NEMP1: variants seen among roughly 807,000 people sequenced by gnomAD.
NEMP1 encodes the protein nuclear envelope integral membrane protein 1.
NEMP1 carries 29 observed loss-of-function variants against 53.7 expected under a neutral mutation model. The observed-to-expected ratio is 0.54, with a 90% CI of 0.40 to 0.74. The LOEUF (loss-of-function observed/expected upper bound fraction) is 0.74. NEMP1 is among the 30% of genes least tolerant of loss of function. The pLI is 0.00. For missense variants in NEMP1, 477 were observed against 528.6 expected, an observed-to-expected ratio of 0.90 and a Z score of 0.96; for synonymous variants, 193 against 192.9, an observed-to-expected ratio of 1.00 and a Z score of 0.00.
At chr12:57,087,618 A>G (rs1459376989) in intron 1 of NEMP1, among the ~76,000 whole-genome samples, 1 of 151,986 alleles carries the variant, frequency 6.6e-6, no homozygotes, top group African/African-American at 2.4e-5. Flanking sequence ...GGACCTGAGC[A>G]ACTGAAATCC....
chr12:57,070,642 G>A, intron 3 of NEMP1, 32 bp downstream of exon 3: 2 of 1,522,700 alleles, frequency 1.3e-6, no homozygotes, highest in South Asian at 2.4e-5. Flanking sequence ...TATCACTACA[G>A]AATCCATCAG....
At chr12:57,086,545 A>ACC (rs1216415317) in intron 1 of NEMP1, among the ~76,000 whole-genome samples, 1 of 151,232 alleles carries the variant, frequency 6.6e-6, no homozygotes, top group Non-Finnish European at 1.5e-5. Flanking sequence ...CCCCACACAC[A>ACC]CACCTGTCTC....
chr12:57,064,315 T>C (rs1350995017), intron 5 of NEMP1, 130 bp from the exon 6 acceptor site: 2 of 599,174 alleles, frequency 3.3e-6, no homozygotes, highest in East Asian at 5.9e-5. Flanking sequence ...AACACTTCTC[T>C]TAAAAAGATG....
intron 7 of NEMP1, among the ~76,000 whole-genome samples, chr12:57,062,433 T>A (rs1039051085): frequency 1.3e-5 from 2 of 151,316 alleles, no homozygotes; most frequent in African/African-American, 4.9e-5. Context: ...TGAGCCGAGA[T>A]CACGCCATTG....
At chr12:57,070,562 AG>A in intron 3 of NEMP1, 111 bp downstream of exon 3, 1 of 867,688 alleles carries the variant, frequency 1.2e-6, no homozygotes, top group East Asian at 2.7e-5. Flanking sequence ...GGTTATAATC[AG>A]AACCCAACTG....
chr12:57,078,750 G>T lies in NEMP1; in HGVS notation c.-5C>A. 6.2e-7 allele frequency: 1 copy of T among 1,609,402 alleles called. No individual in the cohort carries two copies. Among genetic ancestry groups the T allele is most frequent in the Non-Finnish European group, 8.5e-7 (1 of 1,176,748 alleles). ...CACTTTCATTCCTCCCGCCATGGTT[G>T]CCTCAAGCCACCTCCTCCTCACGTG... On this transcript the variant is annotated 5_prime_UTR_variant, in exon 1 of 9. Coordinates refer to ENST00000300128, the MANE Select transcript of NEMP1 (RefSeq NM_001130963.2).
chr12:57,074,591 C>A (rs1004429019), intron 1 of NEMP1, among the ~76,000 whole-genome samples: 1 of 152,146 alleles, frequency 6.6e-6, no homozygotes, highest in Non-Finnish European at 1.5e-5. Flanking sequence ...AGGCGTAAGC[C>A]ACCACGCCCA....
chr12:57,060,971 A>C, intron 7 of NEMP1, 26 bp from the exon 8 acceptor site: 1 of 1,605,834 alleles, frequency 6.2e-7, no homozygotes, highest in Non-Finnish European at 8.5e-7. Flanking sequence ...TAACATTATG[A>C]ATCATTAATC....
Position 57,056,267 on chromosome 12 carries a change from T to G in NEMP1, c.*3612A>C, listed in dbSNP as rs1042501044. On this transcript the variant is annotated 3_prime_UTR_variant, in exon 9 of 9. Coordinates refer to ENST00000300128, the MANE Select transcript of NEMP1 (RefSeq NM_001130963.2). ...ATCTAGAATCAACTCAATTGTAACC[T>G]GAATTCATAAGCTTAAGTCACCAAA... 1 of 152,162 alleles carries G rather than the reference T, an allele frequency of 6.6e-6. No homozygotes were observed. Among genetic ancestry groups the G allele is most frequent in the African/African-American group, 2.4e-5 (1 of 41,428 alleles). The allele number at this position is 152,162 out of a possible 1,614,324, so 9.4% of individuals were successfully genotyped here. A position where few individuals can be genotyped will look rare whatever the true frequency, so the allele number is the denominator to read the frequency against.
chr12:57,070,537 C>T (rs1357780816), intron 3 of NEMP1, 137 bp downstream of exon 3: 5 of 675,548 alleles, frequency 7.4e-6, no homozygotes, highest in African/African-American at 7.3e-5. Flanking sequence ...CTGTTTAGAG[C>T]AGTGGTATAC....
intron 1 of NEMP1, among the ~76,000 whole-genome samples, chr12:57,077,893 C>T (rs886848419): frequency 6.6e-6 from 1 of 152,030 alleles, no homozygotes; most frequent in Non-Finnish European, 1.5e-5. Context: ...ACCACCCTGG[C>T]CAACATAGTG....
chr12:57,081,928 A>T (rs977930235), upstream of NEMP1, among the ~76,000 whole-genome samples: 1 of 149,000 alleles, frequency 6.7e-6, no homozygotes, highest in Non-Finnish European at 1.5e-5. Context: ...AAACAAAAAA[A>T]AACACGGAGG....
At chr12:57,087,110 C>A (rs1032428262) in intron 1 of NEMP1, among the ~76,000 whole-genome samples, 36 of 152,360 alleles carry the variant, frequency 2.4e-4, no homozygotes, top group African/African-American at 8.2e-4. Context: ...GGCCGAGCAC[C>A]CCCTCTCCCA....
intron 7 of NEMP1, among the ~76,000 whole-genome samples, chr12:57,062,059 T>C (rs2031836429): frequency 6.6e-6 from 1 of 152,116 alleles, no homozygotes. Context: ...ACCTTGACTA[T>C]CTATAATAGA....
At chr12:57,074,505 A>G (rs1278909178) in intron 1 of NEMP1, among the ~76,000 whole-genome samples, 2 of 151,234 alleles carry the variant, frequency 1.3e-5, no homozygotes, top group African/African-American at 2.4e-5. Context: ...GGGTTTCACC[A>G]TGTTGGCCAG....
intron 1 of NEMP1, among the ~76,000 whole-genome samples, chr12:57,073,160 T>C (rs1049403714): frequency 2.0e-5 from 3 of 151,304 alleles, no homozygotes; most frequent in Admixed American, 1.3e-4. Context: ...ATTAAGTATC[T>C]ATTTTTTTTT....
upstream of NEMP1, among the ~76,000 whole-genome samples, chr12:57,082,928 G>A (rs2032889784): frequency 6.6e-6 from 1 of 152,060 alleles, no homozygotes; most frequent in Non-Finnish European, 1.5e-5. Flanking sequence ...GGTTGACGTG[G>A]GAGAATCACC....
At position 57,058,604 on chromosome 12, in the gene NEMP1, T is replaced by C. The variant is rs996807351; in HGVS notation, c.*1275A>G. 1 of 152,204 alleles carries C rather than the reference T, an allele frequency of 6.6e-6. No homozygotes were observed. Among genetic ancestry groups the C allele is most frequent in the Non-Finnish European group, 1.5e-5 (1 of 68,038 alleles). The allele number at this position is 152,204 out of a possible 1,614,324, so 9.4% of individuals were successfully genotyped here. ...ACTGCAATAACAGGCAGCATACATC[T>C]CAGGTCAGAAACGCAATCATAAATA... On this transcript the variant is annotated 3_prime_UTR_variant, in exon 9 of 9. Transcript: ENST00000300128.
In NEMP1 at chr12:57,059,990, A is replaced by G. The variant is rs759080016; in HGVS notation, c.1224T>C (p.Tyr408=). 5 of 1,613,964 alleles carry G rather than the reference A, an allele frequency of 3.1e-6. No individual in the cohort carries two copies. Among genetic ancestry groups the G allele is most frequent in the Non-Finnish European group, 1.7e-6 (2 of 1,179,962 alleles). Residue 408 remains tyrosine, a synonymous_variant, in exon 9 of 9, where the codon TAT becomes TAC. Coordinates refer to ENST00000300128, the MANE Select transcript of NEMP1 (RefSeq NM_001130963.2). The part of the protein sequence containing the change: ...PNEVSVHEQE[Y]GLGSIIAQDE... ...CCTGGGCAATAATGCTCCCTAATCCATACTCCTGCTCATGGACAGAAACTT... is the reference window on the plus strand; with the variant it reads ...CCTGGGCAATAATGCTCCCTAATCCGTACTCCTGCTCATGGACAGAAACTT...
Sources: gnomAD v4.1 joint callset for allele counts (sites outside exome capture counted in the v4.1 genomes callset) on GRCh38, gnomAD v4.1.1 for gene constraint, MANE v1.5 for transcripts, NCBI Gene and HGNC (gene_info 2026-07-23, HGNC 2026-07-21) for gene names.